Variants in PDXDC1 observed in about 807,000 individuals in gnomAD.
PDXDC1 encodes pyridoxal dependent decarboxylase domain containing 1.
PDXDC1 carries 42 observed loss-of-function variants against 100.1 expected under a neutral mutation model. That is an observed-to-expected ratio of 0.42 (90% CI 0.33 to 0.54). PDXDC1 has a LOEUF of 0.54. Ranked by LOEUF, PDXDC1 falls within the 20% of genes least tolerant of loss-of-function variation. The pLI is 0.10. For synonymous variants in PDXDC1, 260 were observed against 371.7 expected (o/e 0.70, Z 3.46); for missense variants, 636 against 979.2 (o/e 0.65, Z 4.68).
At chr16:15,015,527 C>G (rs2041722430) in intron 8 of PDXDC1, among the ~76,000 whole-genome samples, 1 of 152,066 alleles carries the variant, frequency 6.6e-6, no homozygotes, top group Non-Finnish European at 1.5e-5. Context: ...CCAGCCTGGC[C>G]AACGTAGTGA....
At chr16:15,074,854 T>C (rs753169867) in intron 16 of PDXDC1, 4 of 1,607,346 alleles carry the variant, frequency 2.5e-6, no homozygotes, top group Non-Finnish European at 2.5e-6. Flanking sequence ...AGTTTCTTCA[T>C]CTTCATCCTT....
intron 1 of PDXDC1, among the ~76,000 whole-genome samples, chr16:14,996,177 A>T (rs1403732105): frequency 6.6e-6 from 1 of 152,288 alleles, no homozygotes; most frequent in African/African-American, 2.4e-5. Flanking sequence ...TCCCTGGACT[A>T]GATCCCTTAG....
At chr16:15,141,620 C>G (rs61531445), downstream of PDXDC1, among the ~76,000 whole-genome samples, 1 of 152,222 alleles carries the variant, frequency 6.6e-6, no homozygotes, top group Non-Finnish European at 1.5e-5. Flanking sequence ...CCGCTTCCCC[C>G]CTAACTGAAC....
chr16:15,042,871 T>A (rs1365808537), downstream of PDXDC1, among the ~76,000 whole-genome samples: 1 of 151,622 alleles, frequency 6.6e-6, no homozygotes, highest in Admixed American at 6.6e-5. Context: ...TAGCTGGGAT[T>A]ACAGGCGTGC....
chr16:15,140,283 A>T (rs1310494800), downstream of PDXDC1, among the ~76,000 whole-genome samples: 1 of 150,404 alleles, frequency 6.6e-6, no homozygotes. Flanking sequence ...TGTCTCTACC[A>T]AAACTACAGA....
chr16:15,131,343 G>A (rs1567309152), intron 16 of PDXDC1: 2 of 1,554,820 alleles, frequency 1.3e-6, no homozygotes, highest in Non-Finnish European at 8.8e-7. Flanking sequence ...TGGAGACGGT[G>A]TAGTTGCTGA....
chr16:14,998,012 G>C (rs1420501472), intron 2 of PDXDC1, among the ~76,000 whole-genome samples, 186 bp downstream of exon 2: 2 of 152,256 alleles, frequency 1.3e-5, no homozygotes, highest in Non-Finnish European at 2.9e-5. Context: ...AAATTGAGAG[G>C]AAAGACTTAT....
intron 1 of PDXDC1, among the ~76,000 whole-genome samples, chr16:14,986,671 C>T (rs546943515): frequency 6.6e-6 from 1 of 152,274 alleles, no homozygotes; most frequent in African/African-American, 2.4e-5. Context: ...TGTCTAAATT[C>T]TCAGCAATTA....
chr16:15,077,591 G>A (rs35512524), intron 16 of PDXDC1, among the ~76,000 whole-genome samples: 17 of 152,038 alleles, frequency 1.1e-4, no homozygotes, highest in African/African-American at 1.9e-4. Flanking sequence ...CCTGTAATCC[G>A]AGCTCTTTGG....
the PDXDC1 span, among the ~76,000 whole-genome samples, chr16:15,145,416 T>C: frequency 1.1e-4 from 16 of 152,230 alleles, no homozygotes; most frequent in Admixed American, 1.0e-3. Flanking sequence ...GGGCATGGGC[T>C]TGCCCCAGCG....
At chr16:14,977,009 A>C (rs1440940687) in intron 1 of PDXDC1, 1 of 152,306 alleles carries the variant, frequency 6.6e-6, no homozygotes. Context: ...GTGGGTCAGA[A>C]TCCTGCTTTA....
At chr16:15,042,126 G>A (rs1207720293), downstream of PDXDC1, among the ~76,000 whole-genome samples, 1 of 151,072 alleles carries the variant, frequency 6.6e-6, no homozygotes, top group Non-Finnish European at 1.5e-5. Context: ...AATAATTAGT[G>A]TATTTTCTTC....
intron 16 of PDXDC1, chr16:15,085,815 A>C: frequency 1.5e-5 from 21 of 1,437,288 alleles, no homozygotes; most frequent in Non-Finnish European, 2.0e-5. Flanking sequence ...ATTTTTCCAT[A>C]ATCCAAAGTT....
At chr16:15,026,892 G>C (rs1301103907) in intron 14 of PDXDC1, among the ~76,000 whole-genome samples, 186 bp downstream of exon 14, 1 of 152,304 alleles carries the variant, frequency 6.6e-6, no homozygotes, top group African/African-American at 2.4e-5. Flanking sequence ...CTGATAGTTT[G>C]CGGTGATTAA....
At chr16:15,122,944 G>C (rs1249097479) in intron 16 of PDXDC1, among the ~76,000 whole-genome samples, 2 of 150,274 alleles carry the variant, frequency 1.3e-5, no homozygotes, top group African/African-American at 2.4e-5. Flanking sequence ...AAAGGGGTCT[G>C]GGAAAGGATC....
intron 16 of PDXDC1, chr16:15,131,194 T>G: frequency 1.3e-6 from 2 of 1,588,946 alleles, no homozygotes; most frequent in Non-Finnish European, 8.6e-7. Context: ...CACAACGGAG[T>G]TGGCAGAGCT....
chr16:15,023,297 G>A (rs1302834719), intron 13 of PDXDC1, among the ~76,000 whole-genome samples: 8 of 152,294 alleles, frequency 5.3e-5, no homozygotes, highest in Non-Finnish European at 1.0e-4. Context: ...GGAGAGAATG[G>A]GGATCAGTTC....
intron 16 of PDXDC1, chr16:15,055,975 G>A (rs1361668989): frequency 3.3e-6 from 4 of 1,220,188 alleles, no homozygotes; most frequent in African/African-American, 3.1e-5. Context: ...GCGGCATCGC[G>A]GAGGCGGCCG....
the PDXDC1 span, among the ~76,000 whole-genome samples, chr16:15,144,515 G>C: frequency 6.6e-6 from 1 of 151,954 alleles, no homozygotes; most frequent in East Asian, 1.9e-4. Flanking sequence ...GCCTCTGATA[G>C]AGGACGAGGC....
Sources: gnomAD v4.1 joint callset for allele counts (sites outside exome capture counted in the v4.1 genomes callset) on GRCh38, gnomAD v4.1.1 for gene constraint, MANE v1.5 for transcripts, NCBI Gene and HGNC (gene_info 2026-07-23, HGNC 2026-07-21) for gene names.